Variants in TBX15 observed in about 807,000 individuals in gnomAD.
TBX15 encodes the protein T-box transcription factor TBX15.
Under a neutral mutation model 53.9 loss-of-function variants are expected in TBX15, and 18 were observed. The observed-to-expected ratio is 0.33, with a 90% CI of 0.23 to 0.49. The LOEUF is 0.49. TBX15 is among the 20% of genes least tolerant of loss of function. The probability of loss-of-function intolerance (pLI) is 0.98; values close to 1 mark genes in which losing one functional copy is unlikely to be tolerated. For synonymous variants in TBX15, 295 were observed against 278.0 expected, an observed-to-expected ratio of 1.06 and a Z score of -0.61; for missense variants, 692 against 749.5, an observed-to-expected ratio of 0.92 and a Z score of 0.90.
intron 1 of TBX15, among the ~76,000 whole-genome samples, chr1:118,987,198 G>C (rs966418945): frequency 6.6e-6 from 1 of 152,186 alleles, no homozygotes; most frequent in African/African-American, 2.4e-5. Flanking sequence ...ATTGGAGAAC[G>C]CCGCGCCAGT....
chr1:118,896,934 T>TA, intron 7 of TBX15, among the ~76,000 whole-genome samples: 1 of 152,310 alleles, frequency 6.6e-6, no homozygotes, highest in Admixed American at 6.5e-5. Flanking sequence ...AATTAAACTA[T>TA]TTAATAGAGT....
At chr1:118,928,892 C>A (rs1452838561) in intron 2 of TBX15, among the ~76,000 whole-genome samples, 3 of 152,126 alleles carry the variant, frequency 2.0e-5, no homozygotes, top group East Asian at 3.9e-4. Flanking sequence ...CAAAGGAAAT[C>A]GACTAGATAA....
At chr1:118,980,981 C>CTA in intron 1 of TBX15, among the ~76,000 whole-genome samples, 2 of 152,072 alleles carry the variant, frequency 1.3e-5, no homozygotes, top group Non-Finnish European at 2.9e-5. Flanking sequence ...TACAGGCCCG[C>CTA]ACCACCACAC....
chr1:118,928,657 C>T (rs891895645), intron 2 of TBX15, among the ~76,000 whole-genome samples: 5 of 152,156 alleles, frequency 3.3e-5, no homozygotes, highest in Non-Finnish European at 5.9e-5. Flanking sequence ...AATATGGTTT[C>T]CCCCAGTCAC....
chr1:118,945,621 C>T (rs1238157465), intron 1 of TBX15, among the ~76,000 whole-genome samples: 2 of 152,218 alleles, frequency 1.3e-5, no homozygotes, highest in African/African-American at 2.4e-5. Context: ...TGGGCAAGAA[C>T]CCAACACTCA....
At chr1:118,987,290 C>T (rs1657870242) in intron 1 of TBX15, among the ~76,000 whole-genome samples, 1 of 152,200 alleles carries the variant, frequency 6.6e-6, no homozygotes. Context: ...TCCCAGGGAC[C>T]GGCAGCCCTT....
chr1:118,911,316 T>C (rs1384317261), intron 6 of TBX15, among the ~76,000 whole-genome samples: 1 of 152,218 alleles, frequency 6.6e-6, no homozygotes, highest in African/African-American at 2.4e-5. Context: ...AGCCCTCAGA[T>C]TTTGATGGAA....
upstream of TBX15, chr1:118,989,457 G>C (rs1307802410): frequency 6.6e-6 from 1 of 152,146 alleles, no homozygotes; most frequent in Non-Finnish European, 1.5e-5. Flanking sequence ...CTGAAAAAAC[G>C]TCTCGGATTT....
intron 7 of TBX15, among the ~76,000 whole-genome samples, chr1:118,892,461 G>A (rs962123681): frequency 6.6e-6 from 1 of 152,052 alleles, no homozygotes; most frequent in Non-Finnish European, 1.5e-5. Context: ...CCCACAAATG[G>A]TAAGAAGATA....
intron 7 of TBX15, among the ~76,000 whole-genome samples, chr1:118,898,136 G>T (rs1284860886): frequency 6.6e-6 from 1 of 152,154 alleles, no homozygotes; most frequent in African/African-American, 2.4e-5. Context: ...AAAGTTGAGG[G>T]ACTTGACCAA....
chr1:118,979,729 T>G (rs1335310748), intron 1 of TBX15, among the ~76,000 whole-genome samples: 1 of 152,188 alleles, frequency 6.6e-6, no homozygotes, highest in Non-Finnish European at 1.5e-5. Flanking sequence ...AGGATGTAAT[T>G]AGAGCTAAGA....
At chr1:118,943,808 G>A (rs1656262588) in intron 1 of TBX15, among the ~76,000 whole-genome samples, 1 of 152,130 alleles carries the variant, frequency 6.6e-6, no homozygotes, top group Non-Finnish European at 1.5e-5. Context: ...CTAGTACCTA[G>A]GTGAGGCTCC....
At chr1:118,984,156 C>CTGCTAGCAGT (rs1553229000) in intron 1 of TBX15, among the ~76,000 whole-genome samples, 2 of 152,308 alleles carry the variant, frequency 1.3e-5, no homozygotes, top group Non-Finnish European at 2.9e-5. Context: ...AGCAGTTGAG[C>CTGCTAGCAGT]TGACGGGTGC....
At chr1:118,969,032 T>A (rs2765535) in intron 1 of TBX15, among the ~76,000 whole-genome samples, 3,834 of 152,276 alleles carry the variant, frequency 0.025, 175 homozygotes, top group African/African-American at 0.088. Flanking sequence ...GTTAACAAGA[T>A]CTGGGTTAGA....
At chr1:118,907,348 T>C (rs893222640) in intron 6 of TBX15, among the ~76,000 whole-genome samples, 2 of 152,244 alleles carry the variant, frequency 1.3e-5, no homozygotes, top group Non-Finnish European at 2.9e-5. Flanking sequence ...CATAGAACCC[T>C]TCACTACTCA....
chr1:118,909,650 T>G (rs1465410671), intron 6 of TBX15, among the ~76,000 whole-genome samples: 3 of 152,242 alleles, frequency 2.0e-5, no homozygotes, highest in Admixed American at 6.5e-5. Flanking sequence ...TGGCATGATT[T>G]CGGCTCACTG....
At chr1:118,917,291 C>T (rs1655270279) in intron 5 of TBX15, among the ~76,000 whole-genome samples, 1 of 152,132 alleles carries the variant, frequency 6.6e-6, no homozygotes, top group South Asian at 2.1e-4. Context: ...AGCTGGAAGC[C>T]AATATCCTAA....
chr1:118,920,673 G>A (rs1655396588), intron 5 of TBX15, among the ~76,000 whole-genome samples: 1 of 152,152 alleles, frequency 6.6e-6, no homozygotes, highest in Admixed American at 6.5e-5. Flanking sequence ...ATGATGTATA[G>A]GATGGCTTGT....
chr1:118,955,493 C>T (rs943533473), intron 1 of TBX15, among the ~76,000 whole-genome samples: 1 of 152,092 alleles, frequency 6.6e-6, no homozygotes, highest in Non-Finnish European at 1.5e-5. Context: ...TAATTCAGGG[C>T]CCTGCTCCCA....
Sources: gnomAD v4.1 joint callset for allele counts (sites outside exome capture counted in the v4.1 genomes callset) on GRCh38, gnomAD v4.1.1 for gene constraint, MANE v1.5 for transcripts, NCBI Gene and HGNC (gene_info 2026-07-23, HGNC 2026-07-21) for gene names.